The following CIT variants were observed in gnomAD, a reference collection of about 807,000 sequenced individuals.
The protein encoded by CIT is citron Rho-interacting kinase.
In CIT, 79 loss-of-function variants were observed where a neutral mutation model predicts 272.7. That is an observed-to-expected ratio of 0.29 (90% CI 0.24 to 0.35). CIT has a LOEUF of 0.35. Among genes scored for constraint, CIT ranks in the 10% least tolerant of loss-of-function variants. The pLI is 1.00. For synonymous variants in CIT, 948 were observed against 995.6 expected (o/e 0.95, Z 0.90); for missense variants, 1,909 against 2,618.3 (o/e 0.73, Z 5.91).
chr12:119,753,099 G>A (rs186648343), intron 22 of CIT, among the ~76,000 whole-genome samples: 245 of 152,050 alleles, frequency 1.6e-3, no homozygotes, highest in Non-Finnish European at 2.8e-3. Context: ...GGGAGACCAC[G>A]ACACATCTAT....
Position 119,718,868 on chromosome 12 carries a change from A to G in CIT, c.3841-7T>C. 6.2e-7 allele frequency: 1 copy of G among 1,613,904 alleles called. No individual in the cohort carries two copies. Among genetic ancestry groups the G allele is most frequent in the South Asian group, 1.1e-5 (1 of 91,074 alleles). On this transcript the variant is annotated splice_polypyrimidine_tract_variant and splice_region_variant and intron_variant, in intron 30 of 47. Transcript: ENST00000392521. The surrounding 1 kb of genome is among the most constrained non-coding windows in gnomAD (Gnocchi z 4.8). ...TCCGTCGACTAAATAAACCCTAGCA[A>G]TGGAAACAGAGATATCTCCTAACTC...
intron 13 of CIT, among the ~76,000 whole-genome samples, chr12:119,778,981 G>T (rs145602917): frequency 9.2e-5 from 14 of 152,232 alleles, no homozygotes; most frequent in Admixed American, 2.6e-4. Flanking sequence ...AGCACTTTGG[G>T]AGCCCGAGGT....
chr12:119,815,871 A>T (rs1433508625), intron 9 of CIT, among the ~76,000 whole-genome samples: 1 of 152,130 alleles, frequency 6.6e-6, no homozygotes, highest in Non-Finnish European at 1.5e-5. Context: ...GGTGGGAAGG[A>T]GGCATTTTTC....
intron 7 of CIT, among the ~76,000 whole-genome samples, chr12:119,826,698 T>TG (rs1177938296): frequency 6.6e-6 from 1 of 152,242 alleles, no homozygotes; most frequent in Non-Finnish European, 1.5e-5. Flanking sequence ...TATATCATAA[T>TG]GGGCTTCTCT....
At chr12:119,862,158 C>T (rs1207884954) in intron 3 of CIT, among the ~76,000 whole-genome samples, 2 of 152,040 alleles carry the variant, frequency 1.3e-5, no homozygotes, top group African/African-American at 4.8e-5. Context: ...CCACCACACC[C>T]GGCTAATTTT....
rs76850358 is a variant in CIT at position 119,700,874 on chromosome 12, G to T, written c.5543-49C>A. On this transcript the variant is annotated intron_variant, in intron 43 of 47. Transcript: ENST00000392521. ...GGCATTAGCACAGCCAAGAGCAGGG[G>T]CATCAGCGACACACATGGTGATGGA... The T allele has an allele frequency of 1.0e-5, 15 of 1,454,168 alleles. No homozygotes were observed. The African/African-American group carries it at 1.7e-4, about 16-fold the overall frequency. 90.1% of individuals were successfully genotyped at this position (1,454,168 alleles called of 1,614,324 possible).
At chr12:119,719,954 C>G (rs1957742161) in intron 30 of CIT, among the ~76,000 whole-genome samples, 1 of 152,226 alleles carries the variant, frequency 6.6e-6, no homozygotes, top group South Asian at 2.1e-4. Context: ...CAGTACTTGG[C>G]AGAGGGGAGA....
At chr12:119,751,950 C>T (rs1960320787) in intron 23 of CIT, 100 bp downstream of exon 23, 1 of 1,070,552 alleles carries the variant, frequency 9.3e-7, no homozygotes, top group African/African-American at 1.6e-5. Context: ...TGTTTTCCCT[C>T]CTGGAATTTC....
intron 3 of CIT, among the ~76,000 whole-genome samples, chr12:119,865,449 T>C (rs1369505939): frequency 1.3e-5 from 2 of 152,242 alleles, no homozygotes; most frequent in Admixed American, 6.5e-5. Flanking sequence ...ATATACAATA[T>C]ATTAAATGTT....
intron 13 of CIT, among the ~76,000 whole-genome samples, chr12:119,780,375 T>G (rs375630354): frequency 1.4e-4 from 22 of 152,180 alleles, no homozygotes; most frequent in African/African-American, 5.3e-4. Flanking sequence ...TCTCAGCACT[T>G]TGGGAGGCCA....
intron 4 of CIT, among the ~76,000 whole-genome samples, chr12:119,856,742 TC>T (rs145327259): frequency 0.041 from 6,185 of 152,278 alleles, 412 homozygotes; most frequent in African/African-American, 0.14. Flanking sequence ...CTAATTGCTC[TC>T]CCACTTCTGT....
Position 119,690,387 on chromosome 12 carries a change from C to T in CIT, c.5950G>A (p.Ala1984Thr). The T allele has an allele frequency of 6.3e-7, 1 of 1,597,200 alleles. No individual in the cohort carries two copies. Among genetic ancestry groups the T allele is most frequent in the South Asian group, 1.1e-5 (1 of 90,022 alleles). Residue 1984 changes from alanine (A) to threonine (T), a missense_variant, in exon 47 of 48, where the codon GCG becomes ACG. By Grantham distance (58) the Ala-to-Thr change is moderately conservative. This residue lies in a region of CIT where 780 missense variants were observed against 1,067.2 expected (regional missense o/e 0.73). Coordinates refer to ENST00000392521, the MANE Select transcript of CIT (RefSeq NM_001206999.2). This position sits in a 1 kb window ranked among gnomAD's most constrained non-coding sequence, Gnocchi z 6.0. The stretch of plus-strand genomic sequence containing the variant: ...GGGTGGCTGGGGCCTTCGGGCGGCG[C>T]TGGGCTGGAGGCCACGCGCTTGGTG... ...HITKRVASSP[A>T]PPEGPSHPRE...
intron 10 of CIT, among the ~76,000 whole-genome samples, chr12:119,787,534 A>G (rs1292418609): frequency 4.0e-5 from 6 of 151,820 alleles, no homozygotes; most frequent in African/African-American, 1.5e-4. Context: ...GATCCAGACC[A>G]TCCTGGCTAA....
intron 3 of CIT, among the ~76,000 whole-genome samples, chr12:119,859,441 G>A (rs746180528): frequency 6.6e-5 from 10 of 152,164 alleles, no homozygotes; most frequent in African/African-American, 9.7e-5. Flanking sequence ...CAAAGGGAAA[G>A]CCATTTCATA....
chr12:119,734,461 G>A, intron 25 of CIT, 104 bp from the exon 26 acceptor site: 1 of 1,228,000 alleles, frequency 8.1e-7, no homozygotes. Context: ...TCTAACTACA[G>A]TTTGAAATGC....
intron 10 of CIT, among the ~76,000 whole-genome samples, chr12:119,795,340 T>C (rs984309545): frequency 6.6e-6 from 1 of 152,128 alleles, no homozygotes; most frequent in African/African-American, 2.4e-5. Flanking sequence ...TAAGCTGAGA[T>C]TGTGTCACCG....
At chr12:119,692,784 G>GT (rs1402624062) in intron 46 of CIT, among the ~76,000 whole-genome samples, 16 of 152,200 alleles carry the variant, frequency 1.1e-4, no homozygotes, top group Non-Finnish European at 2.9e-5. Flanking sequence ...ATAGTGAATA[G>GT]TTTCATGCCA....
At chr12:119,837,246 C>T (rs1185554243) in intron 5 of CIT, among the ~76,000 whole-genome samples, 1 of 152,148 alleles carries the variant, frequency 6.6e-6, no homozygotes, top group African/African-American at 2.4e-5. Flanking sequence ...CAAGATGTTA[C>T]CCATATCCCA....
chr12:119,719,757 A>C (rs934964845), intron 30 of CIT, among the ~76,000 whole-genome samples: 2 of 152,238 alleles, frequency 1.3e-5, no homozygotes, highest in Non-Finnish European at 2.9e-5. Context: ...TGCATTTGGA[A>C]GGAAACTGCA....
Sources: gnomAD v4.1 joint callset for allele counts (sites outside exome capture counted in the v4.1 genomes callset) on GRCh38, gnomAD v4.1.1 for gene constraint, gnomAD v4.1.1 regional missense constraint, Gnocchi (gnomAD v3.1) non-coding constraint, MANE v1.5 for transcripts, NCBI Gene and HGNC (gene_info 2026-07-23, HGNC 2026-07-21) for gene names.